SORBS2: variants seen among roughly 807,000 people sequenced by gnomAD.
The protein encoded by SORBS2 is sorbin and SH3 domain containing 2.
SORBS2 carries 46 observed loss-of-function variants against 97.7 expected under a neutral mutation model. The observed-to-expected ratio is 0.47, with a 90% CI of 0.37 to 0.60. The LOEUF is 0.60. SORBS2 is among the 20% of genes least tolerant of loss of function. The pLI is 0.00. For synonymous variants in SORBS2, 476 were observed against 473.4 expected (o/e 1.01, Z -0.07); for missense variants, 1,316 against 1,282.3 (o/e 1.03, Z -0.40).
intron 1 of SORBS2, among the ~76,000 whole-genome samples, chr4:185,780,351 C>T (rs776508977): frequency 1.3e-5 from 2 of 152,134 alleles, no homozygotes. Context: ...GCTTCAACCA[C>T]ACTCAATGAA....
intron 1 of SORBS2, among the ~76,000 whole-genome samples, chr4:185,949,558 C>A (rs546085662): frequency 1.3e-5 from 2 of 151,488 alleles, no homozygotes; most frequent in Non-Finnish European, 2.9e-5. Context: ...ACTAAGGGGG[C>A]GGGGGGCAGA....
At position 185,612,988 on chromosome 4, in the gene SORBS2, C is replaced by T. The variant is rs77591794; in HGVS notation, c.2596-1008G>A. On this transcript the variant is annotated intron_variant, in intron 11 of 14. Transcript: ENST00000418609. Reference sequence around the variant, plus strand: ...TGTCATTAAAGATTTGAATAGAACCCTTGGCTTTCACAATGATAGAACTTT... The same window carrying T: ...TGTCATTAAAGATTTGAATAGAACCTTTGGCTTTCACAATGATAGAACTTT... Among the ~76,000 whole-genome samples, 20 of 152,326 alleles carry T rather than the reference C, an allele frequency of 1.3e-4. 1 individual carries two copies. The East Asian group carries it at 3.9e-3, about 29-fold the overall frequency.
chr4:185,619,541 G>C (rs1038210723), intron 8 of SORBS2, among the ~76,000 whole-genome samples: 1 of 152,186 alleles, frequency 6.6e-6, no homozygotes, highest in African/African-American at 2.4e-5. Context: ...CCCGGCTCAG[G>C]GCCCTGGACA....
At chr4:185,928,107 G>GA (rs34720066) in intron 1 of SORBS2, among the ~76,000 whole-genome samples, 24 of 151,370 alleles carry the variant, frequency 1.6e-4, no homozygotes, top group African/African-American at 4.9e-4. Context: ...AAGAAGCATA[G>GA]AAAAAAAAAT....
intron 4 of SORBS2, among the ~76,000 whole-genome samples, chr4:185,673,877 C>T (rs2097756768): frequency 1.3e-5 from 2 of 152,122 alleles, no homozygotes; most frequent in Admixed American, 6.5e-5. Flanking sequence ...GTGAACCATC[C>T]CTTTCTTTCC....
At chr4:185,656,933 C>G in exon 1 of SORBS2, 1 of 1,177,972 alleles carries the variant, frequency 8.5e-7, no homozygotes, top group South Asian at 2.7e-5. Flanking sequence ...CATTAACTCT[C>G]TTCACTCCAA....
At chr4:185,889,181 C>T (rs79511537) in intron 1 of SORBS2, among the ~76,000 whole-genome samples, 3,960 of 152,262 alleles carry the variant, frequency 0.026, 129 homozygotes, top group South Asian at 0.087. Flanking sequence ...TCATCATTGG[C>T]GCCTCCTCTG....
At position 185,615,179 on chromosome 4, in the gene SORBS2, A is replaced by G. The variant is rs372826192; in HGVS notation, c.2352-20T>C. 7.2e-5 allele frequency: 104 copies of G among 1,435,802 alleles called. No individual in the cohort carries two copies. Among genetic ancestry groups the G allele is most frequent in the Non-Finnish European group, 1.3e-5 (13 of 1,017,572 alleles). 88.9% of individuals were successfully genotyped at this position (1,435,802 alleles called of 1,614,324 possible). ...AACTCCCTGGAAGAGACACGTTGAC[A>G]TGGTCTTTTTGTGATGTACAGCAAT... On this transcript the variant is annotated intron_variant, in intron 9 of 14. Transcript: ENST00000418609.
chr4:185,656,995 C>T, upstream of SORBS2: 1 of 1,030,856 alleles, frequency 9.7e-7, no homozygotes, highest in Non-Finnish European at 1.2e-6. Flanking sequence ...CCGGTGTTAA[C>T]ACACATCTAT....
intron 1 of SORBS2, among the ~76,000 whole-genome samples, chr4:185,653,233 T>G (rs2097342246): frequency 1.3e-5 from 2 of 152,210 alleles, no homozygotes; most frequent in African/African-American, 4.8e-5. Flanking sequence ...TCTAAGCTAC[T>G]AAAATACTGA....
At chr4:185,618,272 G>C (rs114624520) in intron 9 of SORBS2, among the ~76,000 whole-genome samples, 2,366 of 152,256 alleles carry the variant, frequency 0.016, 32 homozygotes, top group Non-Finnish European at 0.023. Context: ...ACTGTGCCTG[G>C]CCCCCAATAC....
intron 2 of SORBS2, among the ~76,000 whole-genome samples, chr4:185,691,516 G>C (rs1351160910): frequency 2.0e-5 from 3 of 152,110 alleles, no homozygotes; most frequent in Non-Finnish European, 2.9e-5. Flanking sequence ...TACATGTGCA[G>C]GTCAGTTGAC....
intron 1 of SORBS2, among the ~76,000 whole-genome samples, chr4:185,813,881 T>C (rs2099191275): frequency 6.6e-6 from 1 of 152,148 alleles, no homozygotes; most frequent in African/African-American, 2.4e-5. Context: ...TCTCCTTTTA[T>C]GTCTGACTCC....
chr4:185,919,644 G>A (rs998440978), intron 1 of SORBS2, among the ~76,000 whole-genome samples: 1 of 152,072 alleles, frequency 6.6e-6, no homozygotes, highest in African/African-American at 2.4e-5. Flanking sequence ...AGTCAAACCC[G>A]CATCAGAAAA....
At chr4:185,667,212 A>G (rs2097622461) in intron 4 of SORBS2, among the ~76,000 whole-genome samples, 1 of 152,230 alleles carries the variant, frequency 6.6e-6, no homozygotes, top group African/African-American at 2.4e-5. Context: ...ATAGATGGCC[A>G]GAGGTATTGT....
At chr4:185,835,745 C>T (rs1436205535) in intron 1 of SORBS2, among the ~76,000 whole-genome samples, 1 of 149,020 alleles carries the variant, frequency 6.7e-6, no homozygotes, top group Non-Finnish European at 1.5e-5. Flanking sequence ...CTCTCAGCAA[C>T]CAACATGATG....
chr4:185,708,107 C>T (rs1193569665), intron 2 of SORBS2, among the ~76,000 whole-genome samples: 1 of 152,108 alleles, frequency 6.6e-6, no homozygotes, highest in Non-Finnish European at 1.5e-5. Context: ...TCTGGGTGAC[C>T]CTCATAAAAT....
At chr4:185,840,719 T>C (rs115119373) in intron 1 of SORBS2, among the ~76,000 whole-genome samples, 5 of 152,370 alleles carry the variant, frequency 3.3e-5, no homozygotes, top group African/African-American at 1.2e-4. Context: ...ATTGTACTTC[T>C]GTGTGCATGT....
chr4:185,776,587 T>C (rs1406274311), intron 1 of SORBS2, among the ~76,000 whole-genome samples: 1 of 151,804 alleles, frequency 6.6e-6, no homozygotes. Flanking sequence ...CATCGGGAGA[T>C]GAAAAGAGAG....
Sources: gnomAD v4.1 joint callset for allele counts (sites outside exome capture counted in the v4.1 genomes callset) on GRCh38, gnomAD v4.1.1 for gene constraint, MANE v1.5 for transcripts, NCBI Gene and HGNC (gene_info 2026-07-23, HGNC 2026-07-21) for gene names.